Variants in VGLL4 observed in about 807,000 individuals in gnomAD.
VGLL4 encodes the protein transcription cofactor vestigial-like protein 4.
A neutral mutation model predicts 21.0 loss-of-function variants in VGLL4; 7 were observed. That is an observed-to-expected ratio of 0.33 (90% CI 0.19 to 0.63). The LOEUF (loss-of-function observed/expected upper bound fraction) is 0.63, where lower values mean the gene tolerates loss of function less well. Among genes scored for constraint, VGLL4 ranks in the 20% least tolerant of loss-of-function variants. The pLI is 0.78. For missense variants in VGLL4, 394 were observed against 425.7 expected (o/e 0.93, Z 0.66); for synonymous variants, 222 against 173.2 (o/e 1.28, Z -2.21).
Position 11,568,805 on chromosome 3 carries a change from C to T in VGLL4, c.273-3786G>A, listed in dbSNP as rs942441080. ...TCAGGACTGTGCCCGAGAGAGCCCA[C>T]GGCATCCCCGCGAACACCCAAAGGA... On this transcript the variant is annotated intron_variant, in intron 2 of 4. Coordinates refer to ENST00000430365, the MANE Select transcript of VGLL4 (RefSeq NM_001128219.3). This position sits in a 1 kb window ranked among gnomAD's most constrained non-coding sequence, Gnocchi z 5.9. The T allele has an allele frequency of 1.7e-5, 24 of 1,433,062 alleles. No individual in the cohort carries two copies. The highest frequency in any genetic ancestry group is 2.6e-5 in the East Asian group (1 of 38,752). 88.8% of individuals were successfully genotyped at this position (1,433,062 alleles called of 1,614,324 possible). A position where few individuals can be genotyped will look rare whatever the true frequency, so the allele number is the denominator to read the frequency against.
intron 2 of VGLL4, among the ~76,000 whole-genome samples, chr3:11,692,322 C>T (rs1234509547): frequency 6.6e-6 from 1 of 152,226 alleles, no homozygotes; most frequent in Non-Finnish European, 1.5e-5. Flanking sequence ...GTAGCTGTCT[C>T]TGGAGGGCAG....
chr3:11,714,608 T>C (rs2076894075), intron 1 of VGLL4, among the ~76,000 whole-genome samples: 1 of 151,710 alleles, frequency 6.6e-6, no homozygotes, highest in South Asian at 2.1e-4. Context: ...TTTTTCTTTC[T>C]CATTTTAGGA....
chr3:11,617,968 C>CTGTT (rs1184249347), intron 1 of VGLL4, among the ~76,000 whole-genome samples: 3 of 152,192 alleles, frequency 2.0e-5, no homozygotes, highest in Admixed American at 1.3e-4. Flanking sequence ...TAGATGTCCA[C>CTGTT]TGTTTGATGG....
chr3:11,568,535 AC>A lies in VGLL4; in HGVS notation c.273-3517del, dbSNP rs535729535. 2.2e-4 allele frequency: 346 copies of A among 1,545,436 alleles called. No individual in the cohort carries two copies. The African/African-American group carries it at 4.4e-3, about 20-fold the overall frequency. On this transcript the variant is annotated intron_variant, in intron 2 of 4. Transcript: ENST00000430365. This position sits in a 1 kb window ranked among gnomAD's most constrained non-coding sequence, Gnocchi z 5.9. Reference sequence around the variant, plus strand: ...AGTGGGCACTATGGGTCAGACAAAGACACTGAAAACAGCGAGAAAAGGCCTG... The same window carrying A: ...AGTGGGCACTATGGGTCAGACAAAGAACTGAAAACAGCGAGAAAAGGCCTG...
At chr3:11,629,484 TG>T (rs2075430568) in intron 1 of VGLL4, among the ~76,000 whole-genome samples, 1 of 151,990 alleles carries the variant, frequency 6.6e-6, no homozygotes, top group Non-Finnish European at 1.5e-5. Flanking sequence ...GGGCTGGAAC[TG>T]GGGGCTCACA....
intron 2 of VGLL4, among the ~76,000 whole-genome samples, chr3:11,580,002 G>A (rs1285180203): frequency 6.6e-6 from 1 of 152,098 alleles, no homozygotes; most frequent in African/African-American, 2.4e-5. Flanking sequence ...CCTGAAGTTG[G>A]TCATCACAGT....
chr3:11,626,490 T>C (rs2075354484), intron 1 of VGLL4: 4 of 450,998 alleles, frequency 8.9e-6, no homozygotes, highest in Non-Finnish European at 1.8e-5. Context: ...ACAAAAGATC[T>C]GGCAGAGCTG....
chr3:11,595,054 G>A (rs1399073937), intron 2 of VGLL4, among the ~76,000 whole-genome samples: 2 of 152,266 alleles, frequency 1.3e-5, no homozygotes, highest in East Asian at 3.9e-4. Flanking sequence ...CTAGCTACTC[G>A]GGAGGCTGAG....
chr3:11,571,482 G>A lies in VGLL4; in HGVS notation c.273-6463C>T, dbSNP rs184766811. Among the ~76,000 whole-genome samples the A allele has an allele frequency of 3.6e-3, 548 of 152,008 alleles. 3 individuals carry two copies. The highest frequency in any genetic ancestry group is 5.8e-3 in the Non-Finnish European group (395 of 67,958). On this transcript the variant is annotated intron_variant, in intron 2 of 4. Coordinates refer to ENST00000430365, the MANE Select transcript of VGLL4 (RefSeq NM_001128219.3). ...GTGGACTGCTTAGGCCCAGGAGTTC[G>A]AGACCAGCCTGGGCAACATGGCAAA...
At chr3:11,624,221 A>G (rs914650872) in intron 1 of VGLL4, among the ~76,000 whole-genome samples, 6 of 152,176 alleles carry the variant, frequency 3.9e-5, no homozygotes, top group Admixed American at 3.9e-4. Flanking sequence ...ACGATATGTC[A>G]TTTTAGCGTG....
chr3:11,610,351 G>C (rs1454045323), intron 1 of VGLL4: 1 of 152,212 alleles, frequency 6.6e-6, no homozygotes. Context: ...CTTGTGGCTA[G>C]CCCCATTCTG....
chr3:11,568,321 C>T lies in VGLL4; in HGVS notation c.273-3302G>A, dbSNP rs1336612392. Among the ~76,000 whole-genome samples the T allele has an allele frequency of 6.6e-6, 1 of 152,182 alleles. No homozygotes were observed. Among genetic ancestry groups the T allele is most frequent in the Admixed American group, 6.5e-5 (1 of 15,284 alleles). On this transcript the variant is annotated intron_variant, in intron 2 of 4. Transcript: ENST00000430365. The surrounding 1 kb of genome is among the most constrained non-coding windows in gnomAD (Gnocchi z 5.9). ...GGAAATCCAAGCATGACTATGAGAC[C>T]ACATCACAGAGGAAAGGGGTGCCAG...
At chr3:11,627,997 A>C (rs2437688) in intron 1 of VGLL4, among the ~76,000 whole-genome samples, 30,385 of 152,246 alleles carry the variant, frequency 0.2, 4,633 homozygotes, top group African/African-American at 0.42. Context: ...AAATAGCTAC[A>C]TGAGAGGCTT....
At chr3:11,571,828 C>T (rs376321270) in intron 2 of VGLL4, among the ~76,000 whole-genome samples, 8 of 152,318 alleles carry the variant, frequency 5.3e-5, no homozygotes, top group African/African-American at 7.2e-5. Context: ...GCCTATTGGC[C>T]GGGCACAGTG....
intron 2 of VGLL4, among the ~76,000 whole-genome samples, chr3:11,674,286 C>T (rs2076258922): frequency 6.6e-6 from 1 of 152,128 alleles, no homozygotes; most frequent in Non-Finnish European, 1.5e-5. Context: ...AGACACAGCA[C>T]ATGGGAGAAA....
intron 2 of VGLL4, among the ~76,000 whole-genome samples, chr3:11,574,235 C>T (rs536576823): frequency 2.6e-5 from 4 of 152,336 alleles, no homozygotes; most frequent in South Asian, 2.1e-4. Context: ...TTGCTTTACA[C>T]GGCTTTAGAT....
intron 2 of VGLL4, among the ~76,000 whole-genome samples, chr3:11,578,947 AT>A (rs1442290825): frequency 5.9e-5 from 9 of 151,902 alleles, no homozygotes; most frequent in African/African-American, 1.5e-4. Context: ...ACGGGGTTTC[AT>A]CGTGTTAGCC....
At position 11,558,346 on chromosome 3, in the gene VGLL4, G is replaced by T; in HGVS notation, c.*210C>A. ...ACATTAGACAGATGTTCCACGCGTA[G>T]TTCCTGCTATCATGTTTGAGGGCCC... On this transcript the variant is annotated 3_prime_UTR_variant, in exon 5 of 5. Transcript: ENST00000430365. 1 of 749,062 alleles carries T rather than the reference G, an allele frequency of 1.3e-6. No individual in the cohort carries two copies. The highest frequency in any genetic ancestry group is 2.7e-5 in the East Asian group (1 of 36,848). The allele number at this position is 749,062 out of a possible 1,614,324, so 46.4% of individuals were successfully genotyped here.
At chr3:11,612,934 T>C (rs553273445) in intron 1 of VGLL4, among the ~76,000 whole-genome samples, 14 of 152,308 alleles carry the variant, frequency 9.2e-5, no homozygotes, top group African/African-American at 3.4e-4. Flanking sequence ...TTACTGTTAA[T>C]GAGGAGGAGG....
Sources: allele counts gnomAD v4.1 joint callset (sites outside exome capture counted in the v4.1 genomes callset), GRCh38; gene constraint gnomAD v4.1.1; non-coding constraint Gnocchi (gnomAD v3.1); transcripts MANE v1.5; gene names NCBI Gene and HGNC (gene_info 2026-07-23, HGNC 2026-07-21).